The following LINGO2 variants were observed in gnomAD, a reference collection of about 807,000 sequenced individuals.
The protein encoded by LINGO2 is leucine-rich repeat and immunoglobulin-like domain-containing nogo receptor-interacting protein 2.
In LINGO2, 14 loss-of-function variants were observed where a neutral mutation model predicts 30.6. That is an observed-to-expected ratio of 0.46 (90% CI 0.30 to 0.72). LINGO2 has a LOEUF of 0.72. Ranked by LOEUF, LINGO2 falls within the 30% of genes least tolerant of loss-of-function variation. The pLI is 0.07. For missense variants in LINGO2, 729 were observed against 751.7 expected, an observed-to-expected ratio of 0.97 and a Z score of 0.35; for synonymous variants, 317 against 288.5, an observed-to-expected ratio of 1.10 and a Z score of -1.00.
At chr9:28,163,236 G>C (rs1828336298) in intron 4 of LINGO2, among the ~76,000 whole-genome samples, 1 of 152,090 alleles carries the variant, frequency 6.6e-6, no homozygotes, top group South Asian at 2.1e-4. Flanking sequence ...TTCTAGATTT[G>C]AGGAGGCATT....
At chr9:29,154,300 A>G in the LINGO2 span, among the ~76,000 whole-genome samples, 2 of 151,716 alleles carry the variant, frequency 1.3e-5, no homozygotes, top group East Asian at 3.9e-4. Context: ...ACAAAAAAAA[A>G]TTAGCCGGGC....
At chr9:28,299,380 T>G (rs977941896) in intron 3 of LINGO2, among the ~76,000 whole-genome samples, 1 of 152,120 alleles carries the variant, frequency 6.6e-6, no homozygotes, top group Non-Finnish European at 1.5e-5. Flanking sequence ...AAATTTAGCC[T>G]TTTCTGTCAG....
At chr9:28,172,218 C>A (rs931139383) in intron 4 of LINGO2, among the ~76,000 whole-genome samples, 5 of 148,930 alleles carry the variant, frequency 3.4e-5, no homozygotes, top group African/African-American at 1.2e-4. Flanking sequence ...GGTGAAACCC[C>A]GTCTCTACTA....
Position 27,990,306 on chromosome 9 carries a change from A to G in LINGO2, c.-36+22049T>C, listed in dbSNP as rs144122819. Among the ~76,000 whole-genome samples, 238 of 152,120 alleles carry G rather than the reference A, an allele frequency of 1.6e-3. 2 individuals are homozygous for G. The highest frequency in any genetic ancestry group is 5.4e-3 in the African/African-American group (225 of 41,536). On this transcript the variant is annotated intron_variant, in intron 5 of 5. Transcript: ENST00000379992. Reference sequence around the variant, plus strand: ...TTGCCACTAGTTTCTGACTGATTAAATATCTGTTCATGATTTCTGTATATA... The same window carrying G: ...TTGCCACTAGTTTCTGACTGATTAAGTATCTGTTCATGATTTCTGTATATA...
At chr9:28,522,552 A>C (rs1820865564) in intron 1 of LINGO2, among the ~76,000 whole-genome samples, 2 of 152,214 alleles carry the variant, frequency 1.3e-5, no homozygotes, top group Admixed American at 1.3e-4. Flanking sequence ...AGTCTTTGTC[A>C]CTTCTAAGGA....
At chr9:28,241,250 A>G (rs1314236496) in intron 4 of LINGO2, among the ~76,000 whole-genome samples, 1 of 147,862 alleles carries the variant, frequency 6.8e-6, no homozygotes, top group Non-Finnish European at 1.5e-5. Context: ...GCCTGGTGAC[A>G]AAGCAAGACC....
chr9:28,293,461 C>T (rs540315001), intron 4 of LINGO2, among the ~76,000 whole-genome samples: 92 of 152,216 alleles, frequency 6.0e-4, no homozygotes, highest in Non-Finnish European at 9.7e-4. Flanking sequence ...ACAATCAACA[C>T]ACAAATTCTT....
At chr9:28,003,026 T>G (rs1587662724) in intron 5 of LINGO2, among the ~76,000 whole-genome samples, 1 of 152,010 alleles carries the variant, frequency 6.6e-6, no homozygotes, top group African/African-American at 2.4e-5. Flanking sequence ...ATGGAAAAAG[T>G]GGATTGAAAA....
chr9:29,071,509 ATATATATATG>A, the LINGO2 span, among the ~76,000 whole-genome samples: 5,500 of 86,762 alleles, frequency 0.063, 107 homozygotes, highest in African/African-American at 0.1. Context: ...ATATATATAT[ATATATATATG>A]TATATGTATA....
At chr9:28,033,694 C>T (rs1823793647) in intron 4 of LINGO2, among the ~76,000 whole-genome samples, 2 of 151,890 alleles carry the variant, frequency 1.3e-5, no homozygotes, top group African/African-American at 2.4e-5. Flanking sequence ...TCTATTCTGC[C>T]CCAATTTAAT....
intron 1 of LINGO2, among the ~76,000 whole-genome samples, chr9:28,527,886 C>T (rs747171969): frequency 6.6e-6 from 1 of 152,104 alleles, no homozygotes; most frequent in Non-Finnish European, 1.5e-5. Context: ...GATGTCTGCA[C>T]AAACAAAAGA....
At chr9:28,231,910 T>A (rs542731869) in intron 4 of LINGO2, among the ~76,000 whole-genome samples, 95 of 151,742 alleles carry the variant, frequency 6.3e-4, no homozygotes, top group Non-Finnish European at 9.6e-4. Context: ...ATATATATAT[T>A]TTTTCTGCTC....
At chr9:27,997,488 G>C (rs999923883) in intron 5 of LINGO2, among the ~76,000 whole-genome samples, 2 of 151,930 alleles carry the variant, frequency 1.3e-5, no homozygotes, top group African/African-American at 4.8e-5. Context: ...ACAGATCCCT[G>C]CCCCTTGTTG....
chr9:28,148,726 A>C lies in LINGO2; in HGVS notation c.-86-136321T>G. 6.5e-7 allele frequency: 1 copy of C among 1,533,620 alleles called. No homozygotes were observed. Among genetic ancestry groups the C allele is most frequent in the East Asian group, 2.4e-5 (1 of 40,868 alleles). On this transcript the variant is annotated intron_variant, in intron 4 of 5. Coordinates refer to ENST00000379992, the Ensembl canonical transcript of LINGO2. The surrounding 1 kb of genome is among the most constrained non-coding windows in gnomAD (Gnocchi z 5.1). ...TCGCCAGTTCACACAGCCCTGCTGG[A>C]GGCATCCTTCCCTTTGGGAAGCCTG...
chr9:28,281,206 CTAGCAGGAAGA>C (rs1198794037), intron 4 of LINGO2, among the ~76,000 whole-genome samples: 1 of 152,010 alleles, frequency 6.6e-6, no homozygotes, highest in Non-Finnish European at 1.5e-5. Context: ...TCGCTCTCTG[CTAGCAGGAAGA>C]TAACTTTATT....
rs1008397309 is a variant in LINGO2 at position 28,148,729 on chromosome 9, C to T, written c.-86-136324G>A. On this transcript the variant is annotated intron_variant, in intron 4 of 5. Transcript: ENST00000379992. The surrounding 1 kb of genome is among the most constrained non-coding windows in gnomAD (Gnocchi z 5.1). ...CCAGTTCACACAGCCCTGCTGGAGG[C>T]ATCCTTCCCTTTGGGAAGCCTGACC... The T allele has an allele frequency of 9.8e-6, 15 of 1,533,554 alleles. No individual in the cohort carries two copies. The highest frequency in any genetic ancestry group is 1.2e-5 in the Non-Finnish European group (14 of 1,146,178). The allele number at this position is 1,533,554 out of a possible 1,614,324, so 95.0% of individuals were successfully genotyped here.
intron 4 of LINGO2, among the ~76,000 whole-genome samples, chr9:28,105,826 C>T (rs971951010): frequency 6.6e-6 from 1 of 152,106 alleles, no homozygotes; most frequent in Non-Finnish European, 1.5e-5. Flanking sequence ...GGAGAGCCCT[C>T]ACAAGAAACC....
the LINGO2 span, among the ~76,000 whole-genome samples, chr9:28,975,306 C>A: frequency 6.6e-6 from 1 of 152,104 alleles, no homozygotes. Context: ...ACATTTGACT[C>A]CAACTTAATC....
chr9:28,550,867 C>T (rs1177715038), intron 1 of LINGO2, among the ~76,000 whole-genome samples: 1 of 151,554 alleles, frequency 6.6e-6, no homozygotes, highest in Non-Finnish European at 1.5e-5. Flanking sequence ...ATAATCAATG[C>T]TACATATTAT....
Sources: allele counts gnomAD v4.1 joint callset (sites outside exome capture counted in the v4.1 genomes callset), GRCh38; gene constraint gnomAD v4.1.1; non-coding constraint Gnocchi (gnomAD v3.1); transcripts MANE v1.5; gene names NCBI Gene and HGNC (gene_info 2026-07-23, HGNC 2026-07-21).